The following MAP9 variants were observed in gnomAD, a reference collection of about 807,000 sequenced individuals.
The protein encoded by MAP9 is microtubule associated protein 9.
MAP9 carries 80 observed loss-of-function variants against 75.2 expected under a neutral mutation model. That is an observed-to-expected ratio of 1.06 (90% CI 0.89 to 1.28). The LOEUF is 1.28. Among genes scored for constraint, MAP9 ranks in the 50% most tolerant of loss-of-function variants. The pLI, the probability that MAP9 is intolerant of heterozygous loss-of-function variation, is 0.00. For missense variants in MAP9, 753 were observed against 719.9 expected (o/e 1.05, Z -0.53); for synonymous variants, 235 against 237.3 (o/e 0.99, Z 0.09).
In MAP9 at chr4:155,353,317, T is replaced by G. The variant is rs535909213; in HGVS notation, c.1404A>C (p.Glu468Asp). The change falls in exon 11 of 14, where the codon GAA becomes GAC. Residue 468 changes from glutamate to aspartate, a missense_variant. Glu to Asp is a conservative substitution (Grantham distance 45, BLOSUM62 2). Transcript: ENST00000311277. Reference sequence around the variant, plus strand: ...TCCAGGCCTCAAATGATGCTAATGCTTCTTCTCTTTTAGCAGCTTTTTTCT... The same window carrying G: ...TCCAGGCCTCAAATGATGCTAATGCGTCTTCTCTTTTAGCAGCTTTTTTCT... ...NEQKKAAKRE[E>D]ALASFEAWKA... 1.3e-6 allele frequency: 2 copies of G among 1,577,032 alleles called. No homozygotes were observed. Among genetic ancestry groups the G allele is most frequent in the African/African-American group, 2.7e-5 (2 of 72,800 alleles).
rs767340493 is a variant in MAP9 at position 155,355,107 on chromosome 4, T to C, written c.1344A>G (p.Arg448=). The C allele has an allele frequency of 1.4e-6, 2 of 1,415,196 alleles. No individual in the cohort carries two copies. The highest frequency in any genetic ancestry group is 1.9e-6 in the Non-Finnish European group (2 of 1,042,196). The allele number at this position is 1,415,196 out of a possible 1,614,324, so 87.7% of individuals were successfully genotyped here. A position where few individuals can be genotyped will look rare whatever the true frequency, so the allele number is the denominator to read the frequency against. ...VYLHEMHRIK[R]IESENLRIQN... Reference sequence around the variant, plus strand: ...GGATCCTTAAGTTTTCACTTTCAATTCTTTTTATTCTGTGCATTTCATGTA... The same window carrying C: ...GGATCCTTAAGTTTTCACTTTCAATCCTTTTTATTCTGTGCATTTCATGTA... Residue 448 remains arginine (R), a synonymous_variant, in exon 10 of 14, where the codon AGA becomes AGG. Coordinates refer to ENST00000311277, the MANE Select transcript of MAP9 (RefSeq NM_001039580.2).
intron 5 of MAP9, chr4:155,362,847 C>T (rs528856811): frequency 6.6e-6 from 1 of 152,230 alleles, no homozygotes; most frequent in South Asian, 2.1e-4. Context: ...AATTATATGT[C>T]AAAAGCAATG....
intron 13 of MAP9, among the ~76,000 whole-genome samples, chr4:155,351,452 C>CAA (rs200289572): frequency 2.5e-4 from 33 of 133,730 alleles, no homozygotes; most frequent in African/African-American, 3.2e-4. Context: ...AATCAAAAGC[C>CAA]AAAAAAAAAA....
intron 3 of MAP9, among the ~76,000 whole-genome samples, chr4:155,373,769 T>C (rs6851250): frequency 0.44 from 66,175 of 152,114 alleles, 19,479 homozygotes; most frequent in African/African-American, 0.82. Flanking sequence ...TAACAATCAG[T>C]CATGTAGCAT....
At chr4:155,354,042 A>C (rs964668500) in intron 10 of MAP9, among the ~76,000 whole-genome samples, 2 of 152,188 alleles carry the variant, frequency 1.3e-5, no homozygotes, top group African/African-American at 4.8e-5. Flanking sequence ...TCACAGAGCT[A>C]CGAAAATCAA....
intron 13 of MAP9, 98 bp downstream of exon 13, chr4:155,352,498 G>C (rs750196495): frequency 8.5e-7 from 1 of 1,176,346 alleles, no homozygotes; most frequent in Admixed American, 2.4e-5. Context: ...AGGTAGAAAT[G>C]ATCAGTAGGT....
At chr4:155,371,776 A>T (rs1330957000) in intron 4 of MAP9, among the ~76,000 whole-genome samples, 3 of 151,782 alleles carry the variant, frequency 2.0e-5, no homozygotes, top group Non-Finnish European at 4.4e-5. Flanking sequence ...TATCTACCAT[A>T]AACTTCTAAT....
At chr4:155,357,987 G>A (rs912754524) in intron 7 of MAP9, among the ~76,000 whole-genome samples, 1 of 152,140 alleles carries the variant, frequency 6.6e-6, no homozygotes, top group Admixed American at 6.6e-5. Context: ...CAGGGAAAGC[G>A]GAGGAAGACG....
In MAP9 at chr4:155,373,387, T is replaced by C. The variant is rs751163139; in HGVS notation, c.230A>G (p.His77Arg). The change falls in exon 4 of 14, where the codon CAT (histidine) becomes CGT (arginine). Residue 77 changes from histidine to arginine, a missense_variant. By Grantham distance (29) the His-to-Arg change is conservative. Coordinates refer to ENST00000311277, the MANE Select transcript of MAP9 (RefSeq NM_001039580.2). ...NSVNKKMNDF[H>R]ISDDEEKNPS... ...ATTCTTTTCTTCATCATCTGATATA[T>C]GAAAGTCATTCATTTTTTTATTAAC... 2.1e-5 allele frequency: 33 copies of C among 1,605,766 alleles called. No individual in the cohort carries two copies. In the South Asian group the frequency reaches 3.7e-4, roughly 18 times the overall value.
chr4:155,357,457 T>A lies in MAP9; in HGVS notation c.1113A>T (p.Ala371=), dbSNP rs1731845260. ...KKSTNNRASS[A]SARLMTSEFL... ...ATTGGTAACTTTATTACCTGGCAGA[T>A]GCACTGGATGCTCTATTATTTGTTG... The change falls in exon 8 of 14, where the codon GCA becomes GCT. Residue 371 remains alanine, a synonymous_variant. Transcript: ENST00000311277. 1.3e-6 allele frequency: 2 copies of A among 1,551,976 alleles called. No homozygotes were observed. The highest frequency in any genetic ancestry group is 2.2e-5 in the East Asian group (1 of 44,494).
In MAP9 at chr4:155,353,315, G is replaced by A; in HGVS notation, c.1406C>T (p.Ala469Val). The A allele has an allele frequency of 6.3e-7, 1 of 1,579,324 alleles. No homozygotes were observed. Among genetic ancestry groups the A allele is most frequent in the Non-Finnish European group, 8.5e-7 (1 of 1,169,840 alleles). ...EQKKAAKREE[A>V]LASFEAWKAM... ...CTTCCAGGCCTCAAATGATGCTAAT[G>A]CTTCTTCTCTTTTAGCAGCTTTTTT... The change falls in exon 11 of 14, where the codon GCA (alanine) becomes GTA (valine). Residue 469 changes from alanine (A) to valine (V), a missense_variant. Ala to Val is a moderately conservative substitution (Grantham distance 64). Transcript: ENST00000311277.
Sources: gnomAD v4.1 joint callset for allele counts (sites outside exome capture counted in the v4.1 genomes callset) on GRCh38, gnomAD v4.1.1 for gene constraint, MANE v1.5 for transcripts, NCBI Gene and HGNC (gene_info 2026-07-23, HGNC 2026-07-21) for gene names.